PTPRD: variants seen among roughly 807,000 people sequenced by gnomAD.
PTPRD encodes the protein receptor-type tyrosine-protein phosphatase delta.
PTPRD carries 34 observed loss-of-function variants against 214.5 expected under a neutral mutation model. The ratio of observed to expected loss-of-function variants is 0.16; its 90% CI spans 0.12 to 0.21. The LOEUF is 0.21. PTPRD is among the 10% of genes least tolerant of loss of function. The pLI is 1.00. For missense variants in PTPRD, 2,545 were observed against 2,398.7 expected (o/e 1.06, Z -1.27); for synonymous variants, 1,128 against 845.7 (o/e 1.33, Z -5.79).
At chr9:10,488,891 C>T (rs1307108461) in intron 2 of PTPRD, among the ~76,000 whole-genome samples, 1 of 152,132 alleles carries the variant, frequency 6.6e-6, no homozygotes, top group African/African-American at 2.4e-5. Flanking sequence ...TCCAGAAATG[C>T]AGTCCAATAG....
intron 2 of PTPRD, among the ~76,000 whole-genome samples, chr9:10,428,325 T>C (rs570481882): frequency 3.9e-5 from 6 of 152,108 alleles, no homozygotes; most frequent in Admixed American, 2.6e-4. Flanking sequence ...AAAAATCATA[T>C]TGCAGAATTT....
intron 2 of PTPRD, among the ~76,000 whole-genome samples, chr9:10,391,676 C>T (rs1363917760): frequency 6.6e-6 from 1 of 151,778 alleles, no homozygotes; most frequent in Non-Finnish European, 1.5e-5. Flanking sequence ...TGGACCTCTG[C>T]TTCTAGTGGG....
chr9:9,730,717 G>A (rs1206012933), intron 7 of PTPRD, among the ~76,000 whole-genome samples: 2 of 152,024 alleles, frequency 1.3e-5, no homozygotes, highest in African/African-American at 4.8e-5. Flanking sequence ...TGAAATCTCA[G>A]CATCTTGATT....
chr9:10,261,124 C>T (rs1396786583), intron 3 of PTPRD, among the ~76,000 whole-genome samples: 1 of 148,778 alleles, frequency 6.7e-6, no homozygotes, highest in East Asian at 2.0e-4. Flanking sequence ...TCTGAATAAA[C>T]TACAAGCCTT....
chr9:10,203,149 A>T (rs1594079897), intron 3 of PTPRD, among the ~76,000 whole-genome samples: 1 of 148,076 alleles, frequency 6.8e-6, no homozygotes, highest in Admixed American at 6.7e-5. Flanking sequence ...GTTCCTGTTT[A>T]CTGTCTTCTC....
At chr9:10,055,801 TATATAA>T (rs1432257661) in intron 3 of PTPRD, among the ~76,000 whole-genome samples, 2 of 151,672 alleles carry the variant, frequency 1.3e-5, no homozygotes, top group Non-Finnish European at 2.9e-5. Context: ...AGGAACATTA[TATATAA>T]ATATAATGTA....
chr9:9,731,009 C>G (rs1025639838), intron 7 of PTPRD, among the ~76,000 whole-genome samples: 23 of 152,140 alleles, frequency 1.5e-4, no homozygotes, highest in African/African-American at 5.5e-4. Flanking sequence ...ATTGCCAGAA[C>G]TACACACACA....
intron 2 of PTPRD, among the ~76,000 whole-genome samples, chr9:10,479,774 T>A (rs1193096602): frequency 2.6e-5 from 4 of 151,958 alleles, no homozygotes; most frequent in Non-Finnish European, 4.4e-5. Flanking sequence ...TGGGCCTTGA[T>A]TACACGACTG....
chr9:10,433,767 T>C (rs1335979053), intron 2 of PTPRD, among the ~76,000 whole-genome samples: 2 of 151,898 alleles, frequency 1.3e-5, no homozygotes, highest in Admixed American at 6.6e-5. Context: ...TTAACATAAA[T>C]ATTTCTATTA....
At chr9:9,027,373 C>T (rs1009014452) in intron 10 of PTPRD, among the ~76,000 whole-genome samples, 16 of 151,816 alleles carry the variant, frequency 1.1e-4, no homozygotes, top group African/African-American at 3.9e-4. Context: ...TGCACATGTA[C>T]ACTATACAAA....
chr9:8,766,186 T>TA (rs2094727385), intron 11 of PTPRD, among the ~76,000 whole-genome samples: 3 of 139,208 alleles, frequency 2.2e-5, no homozygotes, highest in African/African-American at 8.4e-5. Flanking sequence ...TTACCACTGA[T>TA]GAAAAAAAAA....
chr9:9,970,760 G>C (rs1319171714), intron 4 of PTPRD, among the ~76,000 whole-genome samples: 2 of 152,150 alleles, frequency 1.3e-5, no homozygotes, highest in East Asian at 3.9e-4. Context: ...TGGGAAGGCA[G>C]AGCTTCTGGA....
chr9:9,945,835 A>G (rs915938842), intron 4 of PTPRD, among the ~76,000 whole-genome samples: 1 of 152,158 alleles, frequency 6.6e-6, no homozygotes, highest in Admixed American at 6.6e-5. Context: ...CATAATCAAA[A>G]TAAGTTAAAA....
chr9:8,728,082 T>G (rs904907013), intron 12 of PTPRD, among the ~76,000 whole-genome samples: 1 of 151,690 alleles, frequency 6.6e-6, no homozygotes, highest in Non-Finnish European at 1.5e-5. Flanking sequence ...ACCCTGTCTC[T>G]ACTAAAAACA....
At chr9:9,766,352 T>C (rs2098707036) in intron 6 of PTPRD, among the ~76,000 whole-genome samples, 1 of 152,184 alleles carries the variant, frequency 6.6e-6, no homozygotes, top group African/African-American at 2.4e-5. Flanking sequence ...TGTGTTTATT[T>C]TCCTAATTCC....
intron 10 of PTPRD, among the ~76,000 whole-genome samples, chr9:9,150,772 TG>T: frequency 6.6e-6 from 1 of 152,134 alleles, no homozygotes; most frequent in East Asian, 1.9e-4. Context: ...ACAACCGGCC[TG>T]AAACTATATT....
chr9:9,201,735 A>C (rs2132320235), intron 9 of PTPRD, among the ~76,000 whole-genome samples: 1 of 152,328 alleles, frequency 6.6e-6, no homozygotes, highest in African/African-American at 2.4e-5. Context: ...AAATCTATAC[A>C]AAATAATTCT....
intron 14 of PTPRD, among the ~76,000 whole-genome samples, chr9:8,540,112 T>C (rs2078026410): frequency 6.6e-6 from 1 of 152,164 alleles, no homozygotes; most frequent in Non-Finnish European, 1.5e-5. Context: ...CTTTGTACTG[T>C]AGTTTCTACT....
intron 4 of PTPRD, among the ~76,000 whole-genome samples, chr9:9,995,755 G>C (rs1162770796): frequency 3.9e-5 from 6 of 152,078 alleles, no homozygotes; most frequent in African/African-American, 1.2e-4. Context: ...GACCCTGTCA[G>C]ACATGTTTAT....
Sources: allele counts gnomAD v4.1 joint callset (sites outside exome capture counted in the v4.1 genomes callset), GRCh38; gene constraint gnomAD v4.1.1; transcripts MANE v1.5; gene names NCBI Gene and HGNC (gene_info 2026-07-23, HGNC 2026-07-21).